The following PTPRG variants were observed in gnomAD, a reference collection of about 807,000 sequenced individuals.
The protein encoded by PTPRG is protein tyrosine phosphatase receptor type G, also known as receptor-type tyrosine-protein phosphatase gamma.
PTPRG carries 102 observed loss-of-function variants against 165.3 expected under a neutral mutation model. The observed-to-expected ratio is 0.62, with a 90% CI of 0.53 to 0.73. The LOEUF is 0.73. PTPRG is among the 30% of genes least tolerant of loss of function. PTPRG has a pLI of 0.00. For missense variants in PTPRG, 1,866 were observed against 1,861.4 expected (o/e 1.00, Z -0.05); for synonymous variants, 675 against 669.5 (o/e 1.01, Z -0.13).
intron 15 of PTPRG, among the ~76,000 whole-genome samples, chr3:62,253,959 T>G (rs1246432306): frequency 6.6e-6 from 1 of 152,194 alleles, no homozygotes; most frequent in Non-Finnish European, 1.5e-5. Context: ...GAGATGCTAT[T>G]TTCCACTTAA....
At chr3:61,828,892 G>T (rs2036189639) in intron 2 of PTPRG, among the ~76,000 whole-genome samples, 1 of 151,882 alleles carries the variant, frequency 6.6e-6, no homozygotes, top group Admixed American at 6.6e-5. Context: ...TTTTTCCCTT[G>T]GTCATGGGTG....
intron 17 of PTPRG, among the ~76,000 whole-genome samples, chr3:62,266,821 A>G (rs1701890424): frequency 6.8e-6 from 1 of 147,618 alleles, no homozygotes; most frequent in African/African-American, 2.5e-5. Context: ...CTGCTGGGCA[A>G]CTAGATACAC....
chr3:61,752,798 A>AAAAGAAG (rs1559592529), intron 2 of PTPRG, among the ~76,000 whole-genome samples: 1 of 48,854 alleles, frequency 2.0e-5, no homozygotes, highest in African/African-American at 6.7e-5. Context: ...AAAAAAAAAA[A>AAAAGAAG]AAAGAAAAAA....
intron 1 of PTPRG, among the ~76,000 whole-genome samples, chr3:61,678,250 G>T (rs1345277595): frequency 1.3e-5 from 2 of 152,156 alleles, no homozygotes; most frequent in Non-Finnish European, 2.9e-5. Flanking sequence ...AAAACTAACA[G>T]CTGGGAAAAC....
intron 2 of PTPRG, among the ~76,000 whole-genome samples, chr3:61,984,171 A>G (rs1387697939): frequency 6.6e-6 from 1 of 152,206 alleles, no homozygotes; most frequent in African/African-American, 2.4e-5. Flanking sequence ...TAACATCTCA[A>G]AATGAGAAAA....
At chr3:61,589,172 T>TGA (rs1700506653) in intron 1 of PTPRG, among the ~76,000 whole-genome samples, 1 of 152,222 alleles carries the variant, frequency 6.6e-6, no homozygotes, top group African/African-American at 2.4e-5. Flanking sequence ...AAAGTTTTCT[T>TGA]GAAATACCCA....
intron 1 of PTPRG, among the ~76,000 whole-genome samples, chr3:61,704,235 T>A (rs2106718193): frequency 6.6e-6 from 1 of 152,260 alleles, no homozygotes; most frequent in Admixed American, 6.5e-5. Context: ...TGTACTTCAG[T>A]TTGTCCAGCT....
intron 1 of PTPRG, among the ~76,000 whole-genome samples, chr3:61,656,025 G>A (rs1052181515): frequency 1.3e-5 from 2 of 149,828 alleles, no homozygotes; most frequent in African/African-American, 5.0e-5. Context: ...TACCAACGTG[G>A]GCAACATAGC....
At chr3:61,907,201 A>C (rs772711473) in intron 2 of PTPRG, among the ~76,000 whole-genome samples, 27 of 151,870 alleles carry the variant, frequency 1.8e-4, no homozygotes, top group Non-Finnish European at 3.8e-4. Flanking sequence ...TATGATAACT[A>C]CTGGCCTGGT....
At chr3:62,238,939 G>C (rs1460767340) in intron 14 of PTPRG, among the ~76,000 whole-genome samples, 1 of 152,200 alleles carries the variant, frequency 6.6e-6, no homozygotes, top group Non-Finnish European at 1.5e-5. Flanking sequence ...AGGCCTGTCA[G>C]AGTCAGTGAA....
chr3:62,016,888 T>C (rs1035497882), intron 4 of PTPRG, among the ~76,000 whole-genome samples: 2 of 152,248 alleles, frequency 1.3e-5, no homozygotes, highest in African/African-American at 4.8e-5. Flanking sequence ...TAAGCCGTCT[T>C]ATCATTTCAT....
At chr3:61,890,432 T>G (rs1301896960) in intron 2 of PTPRG, among the ~76,000 whole-genome samples, 1 of 150,716 alleles carries the variant, frequency 6.6e-6, no homozygotes, top group East Asian at 1.9e-4. Context: ...TGTTTTTTTT[T>G]TTTTTTAGGG....
chr3:62,094,435 C>T (rs923249682), intron 5 of PTPRG, among the ~76,000 whole-genome samples: 8 of 152,122 alleles, frequency 5.3e-5, no homozygotes, highest in African/African-American at 1.9e-4. Context: ...TTCTGCAGGT[C>T]GCTCTCTCCT....
intron 1 of PTPRG, among the ~76,000 whole-genome samples, chr3:61,672,881 C>A (rs4452322): frequency 0.79 from 119,226 of 151,428 alleles, 47,242 homozygotes; most frequent in East Asian, 0.91. Context: ...AGTTGGGACC[C>A]GGTGTGGGGG....
rs1474065513 is a variant in PTPRG, at chr3:62,271,478, C to T, written c.3105C>T (p.Ala1035=). Reference sequence around the variant, plus strand: ...CTGACATGGGAGTTCCCGAGTATGCCCTTCCAGTACTGACTTTCGTGAGGA... The same window carrying T: ...CTGACATGGGAGTTCCCGAGTATGCTCTTCCAGTACTGACTTTCGTGAGGA... ...QWPDMGVPEY[A]LPVLTFVRRS... Residue 1035 remains alanine (A), a synonymous_variant, in exon 21 of 30, where the codon GCC becomes GCT. Transcript: ENST00000474889. The surrounding 1 kb of genome is among the most constrained non-coding windows in gnomAD (Gnocchi z 4.1). The T allele has an allele frequency of 1.2e-6, 2 of 1,613,972 alleles. No homozygotes were observed. Among genetic ancestry groups the T allele is most frequent in the East Asian group, 2.2e-5 (1 of 44,866 alleles).
At chr3:61,641,019 G>A (rs374744851) in intron 1 of PTPRG, among the ~76,000 whole-genome samples, 34 of 152,226 alleles carry the variant, frequency 2.2e-4, no homozygotes, top group African/African-American at 7.5e-4. Context: ...TTCGAGCTTC[G>A]GCTAGAAGAT....
At chr3:61,896,125 A>C (rs1452045926) in intron 2 of PTPRG, among the ~76,000 whole-genome samples, 1 of 152,138 alleles carries the variant, frequency 6.6e-6, no homozygotes, top group Non-Finnish European at 1.5e-5. Context: ...GCGTAGGTTC[A>C]TGTATCCACT....
At chr3:61,916,910 T>C (rs534868731) in intron 2 of PTPRG, among the ~76,000 whole-genome samples, 1 of 152,364 alleles carries the variant, frequency 6.6e-6, no homozygotes, top group African/African-American at 2.4e-5. Flanking sequence ...TTAAACATTA[T>C]AACATTCTGA....
At chr3:61,632,176 C>A (rs138817925) in intron 1 of PTPRG, among the ~76,000 whole-genome samples, 107 of 152,236 alleles carry the variant, frequency 7.0e-4, no homozygotes, top group African/African-American at 2.0e-3. Flanking sequence ...GGTATGGTGG[C>A]GTGTGTCTGT....
Sources: allele counts gnomAD v4.1 joint callset (sites outside exome capture counted in the v4.1 genomes callset), GRCh38; gene constraint gnomAD v4.1.1; non-coding constraint Gnocchi (gnomAD v3.1); transcripts MANE v1.5; gene names NCBI Gene and HGNC (gene_info 2026-07-23, HGNC 2026-07-21).